MOSMO: variants seen among roughly 807,000 people sequenced by gnomAD.
MOSMO encodes the protein modulator of smoothened protein.
Under a neutral mutation model 18.4 loss-of-function variants are expected in MOSMO, and 5 were observed. The ratio of observed to expected loss-of-function variants is 0.27; its 90% CI spans 0.14 to 0.57. The LOEUF (loss-of-function observed/expected upper bound fraction) is 0.57. MOSMO is among the 20% of genes least tolerant of loss of function. The pLI is 0.92. For missense variants in MOSMO, 138 were observed against 211.8 expected, an observed-to-expected ratio of 0.65 and a Z score of 2.16; for synonymous variants, 82 against 82.3, an observed-to-expected ratio of 1.00 and a Z score of 0.02.
At chr16:22,015,047 C>T (rs1899609976) in intron 1 of MOSMO, among the ~76,000 whole-genome samples, 1 of 152,032 alleles carries the variant, frequency 6.6e-6, no homozygotes, top group Non-Finnish European at 1.5e-5. Context: ...TTGTGTGCTA[C>T]CATCACCATA....
chr16:22,036,171 G>T (rs1344545162), intron 1 of MOSMO, among the ~76,000 whole-genome samples: 1 of 151,970 alleles, frequency 6.6e-6, no homozygotes, highest in East Asian at 1.9e-4. Context: ...CTCTCTCCCA[G>T]GCTACAGTGC....
chr16:22,014,025 T>C (rs1891279965), intron 1 of MOSMO, among the ~76,000 whole-genome samples: 1 of 152,068 alleles, frequency 6.6e-6, no homozygotes, highest in South Asian at 2.1e-4. Context: ...TCACTTACAT[T>C]TGGGGGCACG....
chr16:22,080,587 T>A lies in MOSMO; in HGVS notation c.320-109T>A. 3 of 629,108 alleles carry A rather than the reference T, an allele frequency of 4.8e-6. No homozygotes were observed. The South Asian group carries it at 6.8e-5, about 14-fold the overall frequency. 39.0% of individuals were successfully genotyped at this position (629,108 alleles called of 1,614,324 possible). Reference sequence around the variant, plus strand: ...CATTTTTAACAAGTGGTCCATGTTTTAACAGGTTTGGCCAGCCCTTCTTAC... The same window carrying A: ...CATTTTTAACAAGTGGTCCATGTTTAAACAGGTTTGGCCAGCCCTTCTTAC... On this transcript the variant is annotated intron_variant, in intron 2 of 2. Transcript: ENST00000542527.
intron 1 of MOSMO, among the ~76,000 whole-genome samples, chr16:22,016,212 C>T (rs1426235069): frequency 6.6e-6 from 1 of 151,976 alleles, no homozygotes; most frequent in Non-Finnish European, 1.5e-5. Flanking sequence ...TGATTTGGGG[C>T]ATGTAATTTG....
At chr16:22,057,286 C>G (rs1900555589) in intron 1 of MOSMO, among the ~76,000 whole-genome samples, 1 of 152,202 alleles carries the variant, frequency 6.6e-6, no homozygotes, top group Non-Finnish European at 1.5e-5. Context: ...AAGGACCAAT[C>G]TCTGCTTTCA....
In MOSMO at chr16:22,081,648, G is replaced by A. The variant is rs985776173; in HGVS notation, c.*768G>A. On this transcript the variant is annotated 3_prime_UTR_variant, in exon 3 of 3. Coordinates refer to ENST00000542527, the MANE Select transcript of MOSMO (RefSeq NM_001164579.2). ...TGTGTGTGTGTGTGTGTGTATGTGT[G>A]TGTAAATTTATATACACACACATGC... is the stretch of plus-strand genomic sequence containing the variant. The A allele has an allele frequency of 3.3e-5, 5 of 150,940 alleles. No homozygotes were observed. The highest frequency in any genetic ancestry group is 1.2e-4 in the African/African-American group (5 of 40,962). 9.4% of individuals were successfully genotyped at this position (150,940 alleles called of 1,614,324 possible).
intron 1 of MOSMO, among the ~76,000 whole-genome samples, chr16:22,047,314 G>A (rs1034447258): frequency 1.4e-5 from 2 of 145,114 alleles, no homozygotes; most frequent in South Asian, 2.2e-4. Flanking sequence ...GCACAATCTC[G>A]GCTCACTGCA....
At chr16:22,030,155 G>A (rs1199869294) in intron 1 of MOSMO, among the ~76,000 whole-genome samples, 2 of 152,104 alleles carry the variant, frequency 1.3e-5, no homozygotes, top group Admixed American at 6.5e-5. Context: ...TAGACTCTAG[G>A]TGGAGTCTGT....
chr16:22,076,939 T>C (rs1443610832), intron 2 of MOSMO, among the ~76,000 whole-genome samples: 1 of 152,214 alleles, frequency 6.6e-6, no homozygotes, highest in South Asian at 2.1e-4. Context: ...GTGAAACAAG[T>C]TGGTGACCTT....
intron 1 of MOSMO, among the ~76,000 whole-genome samples, chr16:22,042,777 G>A (rs934989535): frequency 2.0e-5 from 3 of 152,200 alleles, no homozygotes; most frequent in South Asian, 2.1e-4. Context: ...ACGGGAGTCC[G>A]TTCAGATGAA....
intron 1 of MOSMO, among the ~76,000 whole-genome samples, chr16:22,020,184 G>A (rs2073544003): frequency 6.8e-6 from 1 of 146,920 alleles, no homozygotes. Context: ...TTGCACTCCA[G>A]CCTGGGCAAC....
At chr16:22,029,731 T>A (rs1899955340) in intron 1 of MOSMO, among the ~76,000 whole-genome samples, 1 of 152,166 alleles carries the variant, frequency 6.6e-6, no homozygotes. Flanking sequence ...GCTCAAGTGA[T>A]CCTCCCATCT....
chr16:22,038,192 G>A (rs765550108), intron 1 of MOSMO, among the ~76,000 whole-genome samples: 3 of 152,228 alleles, frequency 2.0e-5, no homozygotes, highest in Admixed American at 6.5e-5. Flanking sequence ...AGTATAACAA[G>A]ATGAAATTGA....
At chr16:22,064,981 A>G (rs972444324) in intron 1 of MOSMO, among the ~76,000 whole-genome samples, 5 of 152,248 alleles carry the variant, frequency 3.3e-5, no homozygotes, top group African/African-American at 7.2e-5. Context: ...AAGAGCTTCA[A>G]TAATTGGCAG....
intron 1 of MOSMO, among the ~76,000 whole-genome samples, chr16:22,069,495 A>G (rs1440729477): frequency 6.6e-6 from 1 of 152,218 alleles, no homozygotes; most frequent in African/African-American, 2.4e-5. Context: ...AAAAGTGTGT[A>G]TGAAAGGAGG....
intron 1 of MOSMO, among the ~76,000 whole-genome samples, chr16:22,069,211 G>A (rs1900801211): frequency 6.6e-6 from 1 of 152,172 alleles, no homozygotes; most frequent in African/African-American, 2.4e-5. Flanking sequence ...ATAGGTACTA[G>A]CCAGGAAAAG....
rs1276190690 is a variant in MOSMO, at chr16:22,071,338, A to T, written c.107-4149A>T. 2.0e-5 allele frequency among the ~76,000 whole-genome samples: 3 copies of T among 152,310 alleles called. No individual in the cohort carries two copies. In the East Asian group the frequency reaches 5.8e-4, roughly 29 times the overall value. ...TATTTTTGCTCAAATCCAACCCTGT[A>T]TGGGAAAACGCTCTCTCTGGCCAGG... is the stretch of plus-strand genomic sequence containing the variant. On this transcript the variant is annotated intron_variant, in intron 1 of 2. Transcript: ENST00000542527.
rs377110258 is a variant in MOSMO at position 22,083,527 on chromosome 16, G to A, written c.*2647G>A. On this transcript the variant is annotated 3_prime_UTR_variant, in exon 3 of 3. Transcript: ENST00000542527. ...TAAGTGAAAAGATAGACAACTGTCC[G>A]CAGTTGCTTTTAAAAAAGGTCACTA... is the stretch of plus-strand genomic sequence containing the variant. 8 of 333,516 alleles carry A rather than the reference G, an allele frequency of 2.4e-5. No individual in the cohort carries two copies. The highest frequency in any genetic ancestry group is 7.0e-5 in the South Asian group (3 of 42,570). The allele number at this position is 333,516 out of a possible 1,614,324, so 20.7% of individuals were successfully genotyped here.
intron 1 of MOSMO, among the ~76,000 whole-genome samples, chr16:22,061,916 T>C (rs1163372227): frequency 6.6e-6 from 1 of 152,208 alleles, no homozygotes; most frequent in Non-Finnish European, 1.5e-5. Context: ...TTATGCTGAA[T>C]TTAACTACAA....
Sources: allele counts gnomAD v4.1 joint callset (sites outside exome capture counted in the v4.1 genomes callset), GRCh38; gene constraint gnomAD v4.1.1; transcripts MANE v1.5; gene names NCBI Gene and HGNC (gene_info 2026-07-23, HGNC 2026-07-21).